Variants in MDGA1 observed in about 807,000 individuals in gnomAD.
MDGA1 encodes the protein MAM domain containing glycosylphosphatidylinositol anchor 1.
Under a neutral mutation model 101.5 loss-of-function variants are expected in MDGA1, and 54 were observed. That is an observed-to-expected ratio of 0.53 (90% CI 0.43 to 0.67). The LOEUF (loss-of-function observed/expected upper bound fraction) is 0.67, where lower values mean the gene tolerates loss of function less well. Ranked by LOEUF, MDGA1 falls within the 30% of genes least tolerant of loss-of-function variation. The pLI is 0.00. For synonymous variants in MDGA1, 533 were observed against 558.3 expected (o/e 0.95, Z 0.64); for missense variants, 1,083 against 1,323.8 (o/e 0.82, Z 2.82).
Position 37,696,453 on chromosome 6 carries a change from C to T in MDGA1, c.67+292G>A, listed in dbSNP as rs993379699. 7.2e-5 allele frequency among the ~76,000 whole-genome samples: 11 copies of T among 152,176 alleles called. No individual in the cohort carries two copies. The highest frequency in any genetic ancestry group is 2.7e-4 in the African/African-American group (11 of 41,434). Reference sequence around the variant, plus strand: ...CTAGACTGGGTCTGTCCGGGTCTCCCGAGCCGACCGGGTGCTCTCAAGGGT... The same window carrying T: ...CTAGACTGGGTCTGTCCGGGTCTCCTGAGCCGACCGGGTGCTCTCAAGGGT... On this transcript the variant is annotated intron_variant, in intron 1 of 16. Coordinates refer to ENST00000434837, the MANE Select transcript of MDGA1 (RefSeq NM_153487.4). This position sits in a 1 kb window ranked among gnomAD's most constrained non-coding sequence, Gnocchi z 5.6.
At chr6:37,673,714 T>C (rs1159563839) in intron 1 of MDGA1, among the ~76,000 whole-genome samples, 2 of 152,056 alleles carry the variant, frequency 1.3e-5, no homozygotes, top group African/African-American at 4.8e-5. Flanking sequence ...CCAGGTGACT[T>C]CTCGGAGGTG....
chr6:37,666,191 CAAAAA>C lies in MDGA1; in HGVS notation c.68-2090_68-2086del, dbSNP rs146449734. Among the ~76,000 whole-genome samples the C allele has an allele frequency of 1.0e-3, 126 of 122,288 alleles. 1 individual carries two copies. The highest frequency in any genetic ancestry group is 4.4e-3 in the Middle Eastern group (1 of 226). The allele number at this position is 122,288 out of a possible 152,430, so 80.2% of individuals were successfully genotyped here. On this transcript the variant is annotated intron_variant, in intron 1 of 16. Coordinates refer to ENST00000434837, the MANE Select transcript of MDGA1 (RefSeq NM_153487.4). ...TGAAACCCCGTCTCTACTAAAAATACAAAAAAAAAAAAAAAAAATTTAGCCAGGCA... is the reference window on the plus strand; with the variant it reads ...TGAAACCCCGTCTCTACTAAAAATACAAAAAAAAAAAAATTTAGCCAGGCA...
Position 37,697,852 on chromosome 6 carries a change from C to G in MDGA1, c.-1041G>C, listed in dbSNP as rs1273976659. 1 of 150,600 alleles carries G rather than the reference C, an allele frequency of 6.6e-6. No individual in the cohort carries two copies. Among genetic ancestry groups the G allele is most frequent in the Non-Finnish European group, 1.5e-5 (1 of 67,254 alleles). 9.3% of individuals were successfully genotyped at this position (150,600 alleles called of 1,614,324 possible). A position where few individuals can be genotyped will look rare whatever the true frequency, so the allele number is the denominator to read the frequency against. On this transcript the variant is annotated 5_prime_UTR_variant, in exon 1 of 17. Transcript: ENST00000434837. ...CGCTCGGCTCCGGGCCGCGGGAGCG[C>G]TCCGCTCGCTCAGCAACTTGGGCTT...
chr6:37,687,393 T>C (rs1461207482), intron 1 of MDGA1, among the ~76,000 whole-genome samples: 3 of 102,202 alleles, frequency 2.9e-5, no homozygotes, highest in African/African-American at 1.2e-4. Flanking sequence ...CCATCTCTAC[T>C]AAAAATTAAA....
chr6:37,637,811 C>T (rs985658072), intron 16 of MDGA1: 1 of 514,398 alleles, frequency 1.9e-6, no homozygotes. Context: ...CATGCATATA[C>T]AAGTTTGTGT....
chr6:37,670,633 A>G (rs1038906615), intron 1 of MDGA1, among the ~76,000 whole-genome samples: 1 of 152,218 alleles, frequency 6.6e-6, no homozygotes, highest in African/African-American at 2.4e-5. Context: ...TTATTATTCT[A>G]TAAATGATCC....
rs576392744 is a variant in MDGA1 at position 37,631,361 on chromosome 6, A to G, written c.*6007T>C. The G allele has an allele frequency of 2.1e-4, 32 of 152,316 alleles. No homozygotes were observed. Among genetic ancestry groups the G allele is most frequent in the African/African-American group, 6.5e-4 (27 of 41,550 alleles). 9.4% of individuals were successfully genotyped at this position (152,316 alleles called of 1,614,324 possible). On this transcript the variant is annotated 3_prime_UTR_variant, in exon 17 of 17. Transcript: ENST00000434837. ...AACCTACAGCAGTGGTGAGTCCCTT[A>G]GACCCTTCCTCTTCCATTAGAAAAG...
At chr6:37,679,734 T>C (rs1762054314) in intron 1 of MDGA1, among the ~76,000 whole-genome samples, 3 of 152,314 alleles carry the variant, frequency 2.0e-5, no homozygotes, top group African/African-American at 7.2e-5. Flanking sequence ...GCCTCCCACA[T>C]GCCAGGCACA....
intron 2 of MDGA1, among the ~76,000 whole-genome samples, chr6:37,660,548 T>A (rs929774919): frequency 6.6e-6 from 1 of 152,214 alleles, no homozygotes; most frequent in African/African-American, 2.4e-5. Context: ...GAGGCCAACA[T>A]TTTTAAAGAC....
Position 37,650,311 on chromosome 6 carries a change from C to T in MDGA1, c.1407G>A (p.Pro469=), listed in dbSNP as rs2114020277. The T allele has an allele frequency of 1.3e-6, 2 of 1,592,142 alleles. No homozygotes were observed. Among genetic ancestry groups the T allele is most frequent in the South Asian group, 1.1e-5 (1 of 88,544 alleles). ...CGCGGGACCAGAGCACTGGCGGCCGCGGCTTGCCCCGCACCTCGCATTGCA... is the reference window on the plus strand; with the variant it reads ...CGCGGGACCAGAGCACTGGCGGCCGTGGCTTGCCCCGCACCTCGCATTGCA... The part of the protein sequence containing the change: ...AELQCEVRGK[P]RPPVLWSRVD... The change falls in exon 8 of 17, where the codon CCG becomes CCA. Residue 469 remains proline (P), a synonymous_variant. Transcript: ENST00000434837.
rs1200459919 is a variant in MDGA1 at position 37,636,083 on chromosome 6, G to C, written c.*1285C>G. Reference sequence around the variant, plus strand: ...CACGCATGCCTAAAGAGTCATTCTAGAAGGGGCTGGGCCTTCTCTCTCCCA... The same window carrying C: ...CACGCATGCCTAAAGAGTCATTCTACAAGGGGCTGGGCCTTCTCTCTCCCA... On this transcript the variant is annotated 3_prime_UTR_variant, in exon 17 of 17. Coordinates refer to ENST00000434837, the MANE Select transcript of MDGA1 (RefSeq NM_153487.4). 2 of 192,106 alleles carry C rather than the reference G, an allele frequency of 1.0e-5. No homozygotes were observed. The highest frequency in any genetic ancestry group is 4.6e-5 in the African/African-American group (2 of 43,246). The allele number at this position is 192,106 out of a possible 1,614,324, so 11.9% of individuals were successfully genotyped here.
At chr6:37,659,386 C>T (rs180829371) in intron 2 of MDGA1, among the ~76,000 whole-genome samples, 131 of 152,250 alleles carry the variant, frequency 8.6e-4, no homozygotes, top group Admixed American at 7.7e-3. Context: ...CCCCTATGTG[C>T]GGTGTCTGGT....
rs766928454 is a variant in MDGA1, at chr6:37,654,270, G to A, written c.982+4C>T. On this transcript the variant is annotated splice_donor_region_variant and intron_variant, in intron 6 of 16. Transcript: ENST00000434837. The stretch of plus-strand genomic sequence containing the variant: ...TCCCTCCCACCCCTTCTGAGGCCAC[G>A]TACATCGCACCAGCAGGTTGACAGT... 19 of 1,537,088 alleles carry A rather than the reference G, an allele frequency of 1.2e-5. No homozygotes were observed. Among genetic ancestry groups the A allele is most frequent in the East Asian group, 2.3e-5 (1 of 44,166 alleles).
intron 1 of MDGA1, among the ~76,000 whole-genome samples, chr6:37,692,281 G>A (rs1238391475): frequency 6.6e-6 from 1 of 152,192 alleles, no homozygotes; most frequent in African/African-American, 2.4e-5. Flanking sequence ...GACCGTGTCA[G>A]GCTCAGATGT....
chr6:37,676,822 G>A (rs559623397), intron 1 of MDGA1, among the ~76,000 whole-genome samples: 90 of 151,836 alleles, frequency 5.9e-4, no homozygotes, highest in Non-Finnish European at 1.0e-3. Context: ...GCTTGAAGCC[G>A]GGAGGCAGAG....
intron 12 of MDGA1, 63 bp from the exon 13 acceptor site, chr6:37,644,712 G>T: frequency 7.1e-7 from 1 of 1,413,364 alleles, no homozygotes; most frequent in Non-Finnish European, 9.3e-7. Flanking sequence ...GCCCAGCCTC[G>T]CCCCTCTCAC....
At chr6:37,680,775 C>G (rs933333658) in intron 1 of MDGA1, among the ~76,000 whole-genome samples, 2 of 152,264 alleles carry the variant, frequency 1.3e-5, no homozygotes, top group African/African-American at 4.8e-5. Flanking sequence ...GCTGGGGCCA[C>G]TGTCTCCATG....
At position 37,635,773 on chromosome 6, in the gene MDGA1, G is replaced by A. The variant is rs1763915982; in HGVS notation, c.*1595C>T. On this transcript the variant is annotated 3_prime_UTR_variant, in exon 17 of 17. Transcript: ENST00000434837. Reference sequence around the variant, plus strand: ...TGTAAGCTCTCCGTCATCCATAGGGGATGAAAGGTGGAATTTCAGGCCATC... The same window carrying A: ...TGTAAGCTCTCCGTCATCCATAGGGAATGAAAGGTGGAATTTCAGGCCATC... 1 of 398,448 alleles carries A rather than the reference G, an allele frequency of 2.5e-6. No individual in the cohort carries two copies. The allele number at this position is 398,448 out of a possible 1,614,324, so 24.7% of individuals were successfully genotyped here.
At chr6:37,658,967 T>G (rs1259588280) in intron 2 of MDGA1, among the ~76,000 whole-genome samples, 2 of 19,150 alleles carry the variant, frequency 1.0e-4, no homozygotes, top group African/African-American at 2.3e-4. Context: ...CAAGACTGTT[T>G]CAAAAAAAAA....
Sources: allele counts gnomAD v4.1 joint callset (sites outside exome capture counted in the v4.1 genomes callset), GRCh38; gene constraint gnomAD v4.1.1; non-coding constraint Gnocchi (gnomAD v3.1); transcripts MANE v1.5; gene names NCBI Gene and HGNC (gene_info 2026-07-23, HGNC 2026-07-21).